SMCHD1: variants seen among roughly 807,000 people sequenced by gnomAD.
SMCHD1 encodes structural maintenance of chromosomes flexible hinge domain containing 1.
SMCHD1 carries 78 observed loss-of-function variants against 254.7 expected under a neutral mutation model. That is an observed-to-expected ratio of 0.31 (90% confidence interval 0.26 to 0.37). The LOEUF is 0.37. Ranked by LOEUF, SMCHD1 falls within the 10% of genes least tolerant of loss-of-function variation. The pLI is 1.00. For synonymous variants in SMCHD1, 766 were observed against 794.9 expected, an observed-to-expected ratio of 0.96 and a Z score of 0.61; for missense variants, 1,840 against 2,408.1, an observed-to-expected ratio of 0.76 and a Z score of 4.94.
At chr18:2,671,237 A>G (rs933181090) in intron 3 of SMCHD1, among the ~76,000 whole-genome samples, 49 of 151,832 alleles carry the variant, frequency 3.2e-4, no homozygotes, top group African/African-American at 1.2e-3. Flanking sequence ...CACCTGGCCC[A>G]TGAATCTTTA....
At chr18:2,734,216 A>G (rs557040108) in intron 25 of SMCHD1, among the ~76,000 whole-genome samples, 2 of 152,324 alleles carry the variant, frequency 1.3e-5, no homozygotes, top group African/African-American at 4.8e-5. Context: ...TTTTATCTCT[A>G]TAAGCAGATT....
rs544241606 is a variant in SMCHD1, at chr18:2,675,204, T to C, written c.638+1059T>C. 5.9e-5 allele frequency among the ~76,000 whole-genome samples: 9 copies of C among 151,496 alleles called. 1 individual carries two copies. The South Asian group carries it at 1.0e-3, about 17-fold the overall frequency. On this transcript the variant is annotated intron_variant, in intron 5 of 47. Transcript: ENST00000320876. The stretch of plus-strand genomic sequence containing the variant: ...AGCCTCGCATATGGTAAACAGTCAA[T>C]AAATATAAGCTATAGAAGCTGTCAT...
chr18:2,780,255 A>G (rs1325809865), intron 44 of SMCHD1, among the ~76,000 whole-genome samples: 1 of 150,992 alleles, frequency 6.6e-6, no homozygotes, highest in East Asian at 1.9e-4. Flanking sequence ...AAAAAAAAAA[A>G]AAAAAAAAAA....
intron 34 of SMCHD1, among the ~76,000 whole-genome samples, chr18:2,755,542 G>A (rs1383594490): frequency 7.0e-6 from 1 of 143,490 alleles, no homozygotes; most frequent in Non-Finnish European, 1.5e-5. Context: ...TCCAGTTTTT[G>A]TGTATTTTCT....
chr18:2,671,138 G>A (rs944164924), intron 3 of SMCHD1, among the ~76,000 whole-genome samples: 3 of 151,518 alleles, frequency 2.0e-5, no homozygotes, highest in African/African-American at 7.3e-5. Context: ...GTTTCTCCAT[G>A]TTGGTCAGGC....
intron 36 of SMCHD1, among the ~76,000 whole-genome samples, chr18:2,762,654 A>T (rs532567126): frequency 6.6e-6 from 1 of 151,662 alleles, no homozygotes; most frequent in Non-Finnish European, 1.5e-5. Context: ...CTAGTTTTAA[A>T]TTTTTTTTCT....
chr18:2,772,169 T>TA (rs2075995955), intron 40 of SMCHD1, 81 bp from the exon 41 acceptor site: 4 of 1,207,494 alleles, frequency 3.3e-6, no homozygotes, highest in Non-Finnish European at 3.2e-6. Context: ...TCTAAATTGT[T>TA]AATTTTTCTC....
chr18:2,659,503 C>A (rs2073179516), intron 1 of SMCHD1, among the ~76,000 whole-genome samples: 1 of 152,126 alleles, frequency 6.6e-6, no homozygotes, highest in African/African-American at 2.4e-5. Flanking sequence ...GCCCTTAGAC[C>A]TCTGATAAGC....
chr18:2,723,890 C>A (rs1178718439), intron 20 of SMCHD1, among the ~76,000 whole-genome samples: 2 of 152,002 alleles, frequency 1.3e-5, no homozygotes, highest in East Asian at 3.9e-4. Flanking sequence ...AGATTGGTTT[C>A]TAGCTTTTTC....
intron 15 of SMCHD1, among the ~76,000 whole-genome samples, chr18:2,706,768 A>G (rs1426015189): frequency 2.0e-5 from 3 of 152,210 alleles, no homozygotes; most frequent in Non-Finnish European, 4.4e-5. Context: ...GGATATTACA[A>G]TACCTGCTGA....
intron 24 of SMCHD1, among the ~76,000 whole-genome samples, chr18:2,731,855 A>G (rs1180501520): frequency 6.6e-6 from 1 of 152,182 alleles, no homozygotes; most frequent in Non-Finnish European, 1.5e-5. Context: ...TGCTGAAAAT[A>G]CAAAAATTAT....
At chr18:2,660,136 C>T (rs1405470564) in intron 1 of SMCHD1, among the ~76,000 whole-genome samples, 2 of 152,004 alleles carry the variant, frequency 1.3e-5, no homozygotes. Context: ...TCAGCTTGGC[C>T]AACATGGTGA....
chr18:2,776,074 G>T, intron 42 of SMCHD1, 150 bp downstream of exon 42: 1 of 688,880 alleles, frequency 1.5e-6, no homozygotes, highest in Non-Finnish European at 2.3e-6. Flanking sequence ...ATCACAAATG[G>T]GCATTTTTCA....
chr18:2,677,882 G>A (rs958209582), intron 5 of SMCHD1, among the ~76,000 whole-genome samples: 2 of 152,094 alleles, frequency 1.3e-5, no homozygotes, highest in Non-Finnish European at 2.9e-5. Flanking sequence ...GCCTCCCAAA[G>A]TGCTGGGATT....
intron 3 of SMCHD1, among the ~76,000 whole-genome samples, chr18:2,670,989 T>G (rs1598289975): frequency 7.0e-6 from 1 of 143,134 alleles, no homozygotes; most frequent in African/African-American, 2.7e-5. Flanking sequence ...CAGGCTGGAG[T>G]GCAATGGCGT....
chr18:2,755,056 A>G (rs1386521162), intron 34 of SMCHD1, among the ~76,000 whole-genome samples: 2 of 150,386 alleles, frequency 1.3e-5, no homozygotes, highest in Non-Finnish European at 3.0e-5. Flanking sequence ...ATTTTAAATA[A>G]TTAATTAATT....
intron 44 of SMCHD1, among the ~76,000 whole-genome samples, 156 bp downstream of exon 44, chr18:2,778,395 A>G (rs886254315): frequency 3.9e-5 from 6 of 152,230 alleles, no homozygotes; most frequent in African/African-American, 1.2e-4. Context: ...GTAGGAATGA[A>G]TGGACCAGGA....
At position 2,754,638 on chromosome 18, in the gene SMCHD1, A is replaced by G. The variant is rs770630690; in HGVS notation, c.4346+2086A>G. Reference sequence around the variant, plus strand: ...ATTTTCAGAAGAAAAGCAAGTGTGTAGCATAAACCATATTAGTGCAGTGGT... The same window carrying G: ...ATTTTCAGAAGAAAAGCAAGTGTGTGGCATAAACCATATTAGTGCAGTGGT... On this transcript the variant is annotated intron_variant, in intron 34 of 47. Transcript: ENST00000320876. Among the ~76,000 whole-genome samples, 8 of 152,194 alleles carry G rather than the reference A, an allele frequency of 5.3e-5. No homozygotes were observed. The South Asian group carries it at 6.2e-4, about 12-fold the overall frequency.
At chr18:2,726,374 T>C (rs2143437982) in intron 21 of SMCHD1, 78 bp from the exon 22 acceptor site, 3 of 737,042 alleles carry the variant, frequency 4.1e-6, no homozygotes, top group South Asian at 2.1e-5. Flanking sequence ...AACCAAAATA[T>C]AAATCAGAAT....
Sources: gnomAD v4.1 joint callset for allele counts (sites outside exome capture counted in the v4.1 genomes callset) on GRCh38, gnomAD v4.1.1 for gene constraint, MANE v1.5 for transcripts, NCBI Gene and HGNC (gene_info 2026-07-23, HGNC 2026-07-21) for gene names.